The following RTL4 variants were observed in gnomAD, a reference collection of about 807,000 sequenced individuals.
RTL4 encodes the protein retrotransposon Gag-like protein 4.
RTL4 carries 4 observed loss-of-function variants against 5.3 expected under a neutral mutation model. The observed-to-expected ratio is 0.75, with a 90% confidence interval of 0.37 to 1.72. The LOEUF is 1.72. Ranked by LOEUF, RTL4 falls within the 40% of genes most tolerant of loss-of-function variation. RTL4 has a pLI of 0.04. For synonymous variants in RTL4, 98 were observed against 87.3 expected (o/e 1.12, Z -0.68); for missense variants, 260 against 227.1 (o/e 1.14, Z -0.93).
the RTL4 span, among the ~76,000 whole-genome samples, chrX:112,210,795 TG>T: frequency 8.9e-6 from 1 of 112,296 alleles, no homozygotes; most frequent in Non-Finnish European, 1.9e-5. Context: ...TTTTAGCTCT[TG>T]TGAGAACTTA....
the RTL4 span, among the ~76,000 whole-genome samples, chrX:112,300,004 A>G: frequency 1.6e-4 from 18 of 111,380 alleles, no homozygotes; most frequent in East Asian, 1.1e-3. Flanking sequence ...TGGTAGTCCC[A>G]TGCCTCCCCA....
the RTL4 span, among the ~76,000 whole-genome samples, chrX:112,094,035 CT>C: frequency 2.7e-5 from 3 of 111,505 alleles, no homozygotes; most frequent in Non-Finnish European, 5.7e-5. Context: ...ACTTATATGA[CT>C]AGGAATTCAT....
At chrX:112,367,581 A>G in the RTL4 span, among the ~76,000 whole-genome samples, 2 of 112,219 alleles carry the variant, frequency 1.8e-5, no homozygotes, top group African/African-American at 6.5e-5. Flanking sequence ...AGTAAACAAT[A>G]TGCTGAAACT....
the RTL4 span, among the ~76,000 whole-genome samples, chrX:112,377,566 C>T: frequency 1.8e-5 from 2 of 111,950 alleles, no homozygotes; most frequent in South Asian, 7.5e-4. Context: ...ATACGTATGA[C>T]TTTCCACTAT....
At chrX:112,267,017 C>G in the RTL4 span, among the ~76,000 whole-genome samples, 1 of 111,789 alleles carries the variant, frequency 8.9e-6, no homozygotes, top group African/African-American at 3.3e-5. Flanking sequence ...ATTGCTCTAG[C>G]AATTTTCTCT....
At chrX:112,111,485 A>G in the RTL4 span, among the ~76,000 whole-genome samples, 7 of 112,994 alleles carry the variant, frequency 6.2e-5, no homozygotes, top group Non-Finnish European at 1.1e-4. Context: ...ACTGTGTGCA[A>G]TAACTCCATG....
chrX:112,255,994 C>T, the RTL4 span, among the ~76,000 whole-genome samples: 2 of 111,645 alleles, frequency 1.8e-5, no homozygotes, highest in Non-Finnish European at 3.8e-5. Flanking sequence ...GCCTTTTTAG[C>T]AACCATGTCA....
chrX:112,176,289 G>A, the RTL4 span, among the ~76,000 whole-genome samples: 188 of 112,003 alleles, frequency 1.7e-3, no homozygotes, highest in African/African-American at 5.6e-3. Context: ...CGTGAAAATG[G>A]CCATACTGCC....
At chrX:112,363,239 A>G in the RTL4 span, among the ~76,000 whole-genome samples, 1 of 111,254 alleles carries the variant, frequency 9.0e-6, no homozygotes, top group Admixed American at 9.6e-5. Flanking sequence ...TTGGAAGTGA[A>G]CCAGCAAGTT....
chrX:112,335,662 C>A, the RTL4 span, among the ~76,000 whole-genome samples: 1 of 109,396 alleles, frequency 9.1e-6, no homozygotes, highest in Non-Finnish European at 1.9e-5. Context: ...CCTTTTTAAC[C>A]CAAGGCTTAT....
the RTL4 span, among the ~76,000 whole-genome samples, chrX:112,377,372 A>G: frequency 8.9e-6 from 1 of 111,969 alleles, no homozygotes; most frequent in Admixed American, 9.5e-5. Flanking sequence ...CAGGACACTT[A>G]GCCTACAACT....
At chrX:112,217,638 A>G in the RTL4 span, among the ~76,000 whole-genome samples, 1 of 111,916 alleles carries the variant, frequency 8.9e-6, no homozygotes, top group Non-Finnish European at 1.9e-5. Flanking sequence ...TACATAATAA[A>G]CAATCAAATG....
the RTL4 span, among the ~76,000 whole-genome samples, chrX:112,149,816 G>C: frequency 9.0e-6 from 1 of 111,574 alleles, no homozygotes; most frequent in Non-Finnish European, 1.9e-5. Context: ...TTACATTTCA[G>C]GTGGTGAGAC....
At chrX:112,119,999 A>G in the RTL4 span, among the ~76,000 whole-genome samples, 6 of 112,344 alleles carry the variant, frequency 5.3e-5, no homozygotes, top group East Asian at 1.4e-3. Flanking sequence ...ATGTTTTCAT[A>G]GCATTTCTCC....
the RTL4 span, among the ~76,000 whole-genome samples, chrX:112,117,180 A>AGT: frequency 9.2e-6 from 1 of 108,752 alleles, no homozygotes; most frequent in Non-Finnish European, 1.9e-5. Flanking sequence ...TTATATGGTA[A>AGT]ATACACTATT....
chrX:112,261,958 C>A, the RTL4 span, among the ~76,000 whole-genome samples: 26,354 of 110,901 alleles, frequency 0.24, 2,775 homozygotes, highest in African/African-American at 0.42. Flanking sequence ...TTCCCTGTTT[C>A]AGAAATGGTG....
the RTL4 span, among the ~76,000 whole-genome samples, chrX:112,124,662 C>A: frequency 2.1e-5 from 2 of 94,107 alleles, no homozygotes; most frequent in African/African-American, 4.2e-5. Flanking sequence ...CAACTCACAC[C>A]GGGCCGGTTG....
the RTL4 span, among the ~76,000 whole-genome samples, chrX:112,328,316 G>A: frequency 2.1e-4 from 23 of 109,674 alleles, no homozygotes; most frequent in African/African-American, 3.7e-4. Context: ...AGGAAGATCT[G>A]CCAAGCAAAT....
the RTL4 span, among the ~76,000 whole-genome samples, chrX:112,321,406 C>T: frequency 1.3e-4 from 14 of 108,727 alleles, no homozygotes; most frequent in African/African-American, 4.0e-4. Flanking sequence ...TGTGGTGGCG[C>T]GTGCCTGTAG....
Sources: allele counts gnomAD v4.1 joint callset (sites outside exome capture counted in the v4.1 genomes callset), GRCh38; gene constraint gnomAD v4.1.1; transcripts MANE v1.5; gene names NCBI Gene and HGNC (gene_info 2026-07-23, HGNC 2026-07-21).